Variants in RBFOX1 observed in about 807,000 individuals in gnomAD.
The protein encoded by RBFOX1 is RNA binding fox-1 homolog 1.
In RBFOX1, 8 loss-of-function variants were observed where a neutral mutation model predicts 57.7. The observed-to-expected ratio is 0.14, with a 90% CI of 0.08 to 0.25. RBFOX1 has a LOEUF of 0.25. Ranked by LOEUF, RBFOX1 falls within the 10% of genes least tolerant of loss-of-function variation. The probability of loss-of-function intolerance (pLI) is 1.00; values close to 1 mark genes in which losing one functional copy is unlikely to be tolerated. For synonymous variants in RBFOX1, 326 were observed against 222.4 expected, an observed-to-expected ratio of 1.47 and a Z score of -4.15; for missense variants, 611 against 548.5, an observed-to-expected ratio of 1.11 and a Z score of -1.14.
intron 1 of RBFOX1, among the ~76,000 whole-genome samples, chr16:5,367,913 G>A (rs2065763749): frequency 6.6e-6 from 1 of 152,014 alleles, no homozygotes; most frequent in South Asian, 2.1e-4. Context: ...TGGACGTTAA[G>A]AAGATCCACA....
At chr16:7,463,104 G>C (rs2059877056) in intron 4 of RBFOX1, among the ~76,000 whole-genome samples, 1 of 152,214 alleles carries the variant, frequency 6.6e-6, no homozygotes, top group African/African-American at 2.4e-5. Context: ...TCAGGGTAGA[G>C]TGAATGTCAG....
chr16:6,876,806 T>A (rs1227985472), intron 3 of RBFOX1, among the ~76,000 whole-genome samples: 2 of 152,154 alleles, frequency 1.3e-5, no homozygotes, highest in African/African-American at 2.4e-5. Flanking sequence ...TAACTGTATC[T>A]GCTAAAACTG....
intron 2 of RBFOX1, among the ~76,000 whole-genome samples, chr16:5,470,933 C>T (rs1258133201): frequency 2.0e-5 from 3 of 152,178 alleles, no homozygotes; most frequent in Admixed American, 6.5e-5. Context: ...CTCACTGCAA[C>T]TTCCGCATCC....
intron 3 of RBFOX1, among the ~76,000 whole-genome samples, chr16:6,685,461 T>TTG (rs2059305694): frequency 7.6e-6 from 1 of 130,794 alleles, no homozygotes; most frequent in Admixed American, 7.6e-5. Context: ...TTTTTTTTTC[T>TTG]ATTTTTAGTA....
intron 7 of RBFOX1, among the ~76,000 whole-genome samples, chr16:7,591,264 G>C (rs970721286): frequency 1.3e-5 from 2 of 152,138 alleles, no homozygotes. Context: ...ATCGGAAAAT[G>C]AATCTTCAGA....
intron 4 of RBFOX1, among the ~76,000 whole-genome samples, chr16:7,301,529 G>C (rs575879546): frequency 2.6e-5 from 4 of 152,324 alleles, no homozygotes; most frequent in African/African-American, 9.6e-5. Context: ...TTCCAACTTT[G>C]GGGAGAAAAC....
intron 3 of RBFOX1, among the ~76,000 whole-genome samples, chr16:6,840,968 A>G (rs1337299095): frequency 6.6e-6 from 1 of 152,036 alleles, no homozygotes; most frequent in Non-Finnish European, 1.5e-5. Context: ...AAGGGTATCT[A>G]CCAGGAGGTG....
intron 12 of RBFOX1, among the ~76,000 whole-genome samples, chr16:7,656,367 T>G (rs1451266123): frequency 6.6e-6 from 1 of 152,122 alleles, no homozygotes; most frequent in Non-Finnish European, 1.5e-5. Context: ...ACAGATTAGG[T>G]TGCAGGAGAT....
chr16:5,874,337 G>A (rs1448405795), intron 4 of RBFOX1, among the ~76,000 whole-genome samples: 2 of 152,128 alleles, frequency 1.3e-5, no homozygotes, highest in Admixed American at 1.3e-4. Flanking sequence ...CAGAGGCTTG[G>A]GTATATTGTA....
chr16:7,411,133 A>G (rs926013264), intron 4 of RBFOX1, among the ~76,000 whole-genome samples: 1 of 151,874 alleles, frequency 6.6e-6, no homozygotes, highest in African/African-American at 2.4e-5. Context: ...TTTAGTAGAG[A>G]CGGGGTTTTG....
chr16:5,308,208 G>C (rs1213075793), intron 1 of RBFOX1, among the ~76,000 whole-genome samples: 1 of 152,040 alleles, frequency 6.6e-6, no homozygotes, highest in Non-Finnish European at 1.5e-5. Context: ...AGGCATGGTG[G>C]CAGGCGCCTG....
At chr16:5,305,498 A>G (rs1441422830) in intron 1 of RBFOX1, among the ~76,000 whole-genome samples, 3 of 152,174 alleles carry the variant, frequency 2.0e-5, no homozygotes, top group Non-Finnish European at 2.9e-5. Flanking sequence ...TTTAAAGACC[A>G]TGTTTTACCC....
intron 1 of RBFOX1, among the ~76,000 whole-genome samples, chr16:6,175,342 G>A (rs2096996589): frequency 6.6e-6 from 1 of 152,160 alleles, no homozygotes; most frequent in African/African-American, 2.4e-5. Context: ...GGGTACCACA[G>A]TCATAAATAT....
At chr16:7,333,322 C>T (rs1213996205) in intron 4 of RBFOX1, among the ~76,000 whole-genome samples, 1 of 152,182 alleles carries the variant, frequency 6.6e-6, no homozygotes, top group East Asian at 1.9e-4. Context: ...GATCTGACTG[C>T]TATTTAACAT....
At chr16:7,405,668 G>A (rs1397589118) in intron 4 of RBFOX1, among the ~76,000 whole-genome samples, 1 of 152,172 alleles carries the variant, frequency 6.6e-6, no homozygotes, top group Non-Finnish European at 1.5e-5. Context: ...TGCGGATCCA[G>A]GCTGCAACTC....
intron 2 of RBFOX1, among the ~76,000 whole-genome samples, chr16:6,515,119 C>G (rs2096348093): frequency 6.6e-6 from 1 of 152,158 alleles, no homozygotes; most frequent in South Asian, 2.1e-4. Context: ...GTGTATATTA[C>G]AGGTTTACTT....
At chr16:5,967,587 G>T (rs923452899) in intron 4 of RBFOX1, among the ~76,000 whole-genome samples, 1 of 152,096 alleles carries the variant, frequency 6.6e-6, no homozygotes, top group Non-Finnish European at 1.5e-5. Context: ...AATTTTAAAA[G>T]GATAAAATAC....
chr16:5,913,580 A>G (rs1258864121), intron 4 of RBFOX1, among the ~76,000 whole-genome samples: 2 of 152,208 alleles, frequency 1.3e-5, no homozygotes, highest in East Asian at 3.8e-4. Flanking sequence ...AGCTGAGCAG[A>G]TGCTGGAGCC....
At chr16:6,471,139 C>G (rs1002751325) in intron 2 of RBFOX1, among the ~76,000 whole-genome samples, 1 of 152,282 alleles carries the variant, frequency 6.6e-6, no homozygotes, top group Non-Finnish European at 1.5e-5. Flanking sequence ...CAGACATCAA[C>G]CCTTTCCATC....
Sources: gnomAD v4.1 joint callset for allele counts (sites outside exome capture counted in the v4.1 genomes callset) on GRCh38, gnomAD v4.1.1 for gene constraint, MANE v1.5 for transcripts, NCBI Gene and HGNC (gene_info 2026-07-23, HGNC 2026-07-21) for gene names.